The following DMD variants were observed in gnomAD, a reference collection of about 807,000 sequenced individuals.
The protein encoded by DMD is dystrophin.
A neutral mutation model predicts 330.1 loss-of-function variants in DMD; 63 were observed. The observed-to-expected ratio is 0.19, with a 90% CI of 0.16 to 0.24. The LOEUF (loss-of-function observed/expected upper bound fraction) is 0.24, where lower values mean the gene tolerates loss of function less well. Among genes scored for constraint, DMD ranks in the 10% least tolerant of loss-of-function variants. The pLI is 1.00. For missense variants in DMD, 3,344 were observed against 2,684.1 expected, an observed-to-expected ratio of 1.25 and a Z score of -5.43; for synonymous variants, 1,223 against 959.8, an observed-to-expected ratio of 1.27 and a Z score of -5.07.
At chrX:32,330,715 T>G (rs1258136423) in intron 41 of DMD, among the ~76,000 whole-genome samples, 1 of 111,641 alleles carries the variant, frequency 9.0e-6, no homozygotes, top group Non-Finnish European at 1.9e-5. Flanking sequence ...GATTTGCCAA[T>G]GGTATTTTAC....
intron 44 of DMD, among the ~76,000 whole-genome samples, chrX:32,180,864 A>G (rs981685524): frequency 1.8e-5 from 2 of 110,792 alleles, no homozygotes; most frequent in Non-Finnish European, 3.8e-5. Flanking sequence ...AATTGCTCCC[A>G]TGATTCAGTT....
At chrX:32,403,041 T>G (rs1284518522) in intron 30 of DMD, among the ~76,000 whole-genome samples, 2 of 111,613 alleles carry the variant, frequency 1.8e-5, no homozygotes, top group Non-Finnish European at 3.8e-5. Flanking sequence ...ATCTGCTGGG[T>G]GGCCCACGGT....
Position 33,179,955 on chromosome X carries a change from G to A in DMD, c.31+31327C>T, listed in dbSNP as rs2049899997. ...GGGTTCAAGCAATTCTCCTGCCTCAGCTTCCTGAGTAGCTGGGATTACAGG... is the reference window on the plus strand; with the variant it reads ...GGGTTCAAGCAATTCTCCTGCCTCAACTTCCTGAGTAGCTGGGATTACAGG... On this transcript the variant is annotated intron_variant, in intron 1 of 78. Coordinates refer to ENST00000357033, the MANE Select transcript of DMD (RefSeq NM_004006.3). Among the ~76,000 whole-genome samples, 4 of 108,250 alleles carry A rather than the reference G, an allele frequency of 3.7e-5. No homozygotes were observed. The South Asian group carries it at 1.7e-3, about 45-fold the overall frequency. 94.0% of individuals were successfully genotyped at this position (108,250 alleles called of 115,157 possible).
At position 31,173,559 on chromosome X, in the gene DMD, G is replaced by A. The variant is rs780389106; in HGVS notation, c.10308C>T (p.Arg3436=). 24 of 1,208,862 alleles carry A rather than the reference G, an allele frequency of 2.0e-5. No individual in the cohort carries two copies. In the South Asian group the frequency reaches 3.5e-4, roughly 18 times the overall value. The part of the protein sequence containing the change: ...PQLSHDDTHS[R]IEHYASRLAE... ...CATACCTGCTAGCATAATGTTCAAT[G>A]CGTGAATGAGTATCATCGTGTGAAA... is the stretch of plus-strand genomic sequence containing the variant. The change falls in exon 72 of 79, where the codon CGC becomes CGT. Residue 3436 remains arginine, a synonymous_variant. Transcript: ENST00000357033.
intron 9 of DMD, among the ~76,000 whole-genome samples, chrX:32,681,216 C>A (rs1004562694): frequency 1.8e-5 from 2 of 111,563 alleles, no homozygotes; most frequent in Non-Finnish European, 3.8e-5. Context: ...GTAAAAAGCT[C>A]TGTTCAAGAT....
chrX:31,708,565 T>C (rs966171544), intron 52 of DMD, among the ~76,000 whole-genome samples: 1 of 111,807 alleles, frequency 8.9e-6, no homozygotes, highest in African/African-American at 3.2e-5. Context: ...CATATCCTAC[T>C]TTTTTTCCTG....
intron 1 of DMD, among the ~76,000 whole-genome samples, chrX:33,113,402 A>G (rs1169378856): frequency 9.0e-6 from 1 of 110,643 alleles, no homozygotes; most frequent in Non-Finnish European, 1.9e-5. Context: ...GTACTCAACA[A>G]AGTAATTGGG....
intron 55 of DMD, among the ~76,000 whole-genome samples, chrX:31,543,109 T>C (rs2073930499): frequency 8.9e-6 from 1 of 111,774 alleles, no homozygotes; most frequent in Non-Finnish European, 1.9e-5. Flanking sequence ...CAATTGGCTA[T>C]TGCAGATGGA....
intron 61 of DMD, among the ~76,000 whole-genome samples, chrX:31,327,742 A>G (rs2034471512): frequency 8.9e-6 from 1 of 112,271 alleles, no homozygotes; most frequent in African/African-American, 3.2e-5. Context: ...GGGAGGATCT[A>G]CTAGACTTGT....
chrX:31,590,858 T>C (rs1356493473), intron 55 of DMD, among the ~76,000 whole-genome samples: 2 of 111,928 alleles, frequency 1.8e-5, no homozygotes, highest in South Asian at 3.6e-4. Context: ...AGATAGACTA[T>C]TTAAACTCTG....
At chrX:31,772,832 C>T (rs1041515065) in intron 51 of DMD, among the ~76,000 whole-genome samples, 1 of 111,263 alleles carries the variant, frequency 9.0e-6, no homozygotes, top group Non-Finnish European at 1.9e-5. Context: ...GTAGTATTTA[C>T]ATATATTTAT....
intron 60 of DMD, among the ~76,000 whole-genome samples, chrX:31,374,934 C>T (rs2733454): frequency 0.5 from 55,014 of 110,321 alleles, 10,240 homozygotes; most frequent in African/African-American, 0.65. Context: ...CATGGGCCAC[C>T]TGCTGCCTTA....
chrX:32,617,754 A>T (rs1027064075), intron 11 of DMD, among the ~76,000 whole-genome samples: 1 of 111,375 alleles, frequency 9.0e-6, no homozygotes, highest in South Asian at 3.7e-4. Flanking sequence ...AAAAAAATTA[A>T]AATTAAAATT....
intron 54 of DMD, among the ~76,000 whole-genome samples, chrX:31,654,997 C>G (rs1300662157): frequency 1.8e-5 from 2 of 111,631 alleles, no homozygotes; most frequent in African/African-American, 6.5e-5. Context: ...CAACAAGCCA[C>G]TGTGTAGAGA....
intron 63 of DMD, among the ~76,000 whole-genome samples, chrX:31,256,830 A>G: frequency 9.1e-6 from 1 of 110,159 alleles, no homozygotes; most frequent in East Asian, 2.9e-4. Flanking sequence ...AGCTATAGAG[A>G]CACTAAGTAA....
chrX:31,230,131 G>T (rs1049335453), intron 63 of DMD, among the ~76,000 whole-genome samples: 1 of 111,601 alleles, frequency 9.0e-6, no homozygotes, highest in Non-Finnish European at 1.9e-5. Context: ...TATATTTGAG[G>T]CCTCTTAAAA....
intron 51 of DMD, among the ~76,000 whole-genome samples, chrX:31,745,827 C>T (rs2087783255): frequency 8.9e-6 from 1 of 112,131 alleles, no homozygotes; most frequent in Admixed American, 9.5e-5. Flanking sequence ...TAAACAGAGA[C>T]TTTCAGAGTG....
chrX:32,981,847 A>C (rs2092715472), intron 2 of DMD, among the ~76,000 whole-genome samples: 2 of 111,416 alleles, frequency 1.8e-5, no homozygotes, highest in African/African-American at 6.5e-5. Context: ...CTCTGCTGGA[A>C]ATAAAAAATA....
intron 60 of DMD, among the ~76,000 whole-genome samples, chrX:31,404,091 G>C (rs1602515384): frequency 9.1e-6 from 1 of 109,455 alleles, no homozygotes; most frequent in Admixed American, 9.9e-5. Flanking sequence ...TACATACGTA[G>C]TGTGTACACC....
Sources: gnomAD v4.1 joint callset for allele counts (sites outside exome capture counted in the v4.1 genomes callset) on GRCh38, gnomAD v4.1.1 for gene constraint, MANE v1.5 for transcripts, NCBI Gene and HGNC (gene_info 2026-07-23, HGNC 2026-07-21) for gene names.